The following CMTM7 variants were observed in gnomAD, a reference collection of about 807,000 sequenced individuals.
CMTM7 encodes CKLF-like MARVEL transmembrane domain-containing protein 7.
In CMTM7, 7 loss-of-function variants were observed where a neutral mutation model predicts 19.3. The observed-to-expected ratio is 0.36, with a 90% CI of 0.21 to 0.68. The LOEUF is 0.68. Ranked by LOEUF, CMTM7 falls within the 30% of genes least tolerant of loss-of-function variation. The pLI is 0.60. For synonymous variants in CMTM7, 87 were observed against 99.3 expected, an observed-to-expected ratio of 0.88 and a Z score of 0.74; for missense variants, 193 against 232.6, an observed-to-expected ratio of 0.83 and a Z score of 1.11.
chr3:32,416,936 C>G (rs143274664), intron 1 of CMTM7, among the ~76,000 whole-genome samples: 3 of 152,332 alleles, frequency 2.0e-5, no homozygotes, highest in African/African-American at 7.2e-5. Flanking sequence ...TGTCATTCCA[C>G]AGCAGTGTCA....
rs1696707184 is a variant in CMTM7 at position 32,443,234 on chromosome 3, GA to G, written c.333+1222del. On this transcript the variant is annotated intron_variant, in intron 2 of 4. Transcript: ENST00000334983. Reference sequence around the variant, plus strand: ...CCACCTCAGCCTCCCGAGTAGCTGAGACTACAGGTGCATGCCACCACACCTG... The same window carrying G: ...CCACCTCAGCCTCCCGAGTAGCTGAGCTACAGGTGCATGCCACCACACCTG... 2.0e-5 allele frequency among the ~76,000 whole-genome samples: 3 copies of G among 151,772 alleles called. No individual in the cohort carries two copies. In the South Asian group the frequency reaches 6.2e-4, roughly 32 times the overall value.
intron 1 of CMTM7, among the ~76,000 whole-genome samples, chr3:32,418,034 C>T (rs554621985): frequency 5.9e-5 from 9 of 152,282 alleles, no homozygotes; most frequent in Non-Finnish European, 1.2e-4. Context: ...GTTGCTAAGG[C>T]TGGTCTCGAA....
intron 3 of CMTM7, chr3:32,451,986 ACTAC>A: frequency 1.1e-6 from 1 of 915,434 alleles, no homozygotes; most frequent in Non-Finnish European, 1.5e-6. Context: ...GAACAACGCC[ACTAC>A]ACCACAAATC....
intron 1 of CMTM7, among the ~76,000 whole-genome samples, chr3:32,417,624 T>C (rs986657738): frequency 1.3e-5 from 2 of 152,256 alleles, no homozygotes; most frequent in Admixed American, 6.5e-5. Context: ...TATTCAAATG[T>C]ATAAGAAACT....
chr3:32,415,907 C>T (rs1696252416), intron 1 of CMTM7, among the ~76,000 whole-genome samples: 1 of 152,172 alleles, frequency 6.6e-6, no homozygotes, highest in Admixed American at 6.5e-5. Flanking sequence ...GGAGAGAGCC[C>T]ACTTGGTCTT....
intron 1 of CMTM7, among the ~76,000 whole-genome samples, chr3:32,431,371 A>G (rs984024544): frequency 6.6e-6 from 1 of 152,222 alleles, no homozygotes; most frequent in African/African-American, 2.4e-5. Flanking sequence ...ATTAATTTCT[A>G]TAATGAGCAA....
chr3:32,392,154 C>A, intron 1 of CMTM7, 89 bp downstream of exon 1: 1 of 1,003,608 alleles, frequency 1.0e-6, no homozygotes, highest in Non-Finnish European at 1.3e-6. Flanking sequence ...GCGTCTGGAC[C>A]CGGCCGGAGC....
intron 1 of CMTM7, among the ~76,000 whole-genome samples, chr3:32,434,883 A>G (rs1696573507): frequency 6.6e-6 from 1 of 152,242 alleles, no homozygotes; most frequent in African/African-American, 2.4e-5. Flanking sequence ...GCAGTAGCCA[A>G]TAAACATATG....
chr3:32,398,428 C>G (rs1391740806), intron 1 of CMTM7, among the ~76,000 whole-genome samples: 2 of 152,032 alleles, frequency 1.3e-5, no homozygotes, highest in Non-Finnish European at 2.9e-5. Flanking sequence ...GATCAGCTAA[C>G]TAGTAGGTGA....
rs902784425 is a variant in CMTM7, at chr3:32,451,974, G to A, written c.433-418G>A. ...AACAGAAAGTCATTACAAATGAAAT[G>A]CGAACAACGCCACTACACCACAAAT... On this transcript the variant is annotated intron_variant, in intron 3 of 4. Coordinates refer to ENST00000334983, the MANE Select transcript of CMTM7 (RefSeq NM_138410.4). The A allele has an allele frequency of 2.5e-6, 2 of 807,390 alleles. 1 individual carries two copies. The highest frequency in any genetic ancestry group is 4.8e-5 in the Admixed American group (2 of 41,842). 50.0% of individuals were successfully genotyped at this position (807,390 alleles called of 1,614,324 possible).
At chr3:32,438,486 T>C (rs1696629582) in intron 1 of CMTM7, among the ~76,000 whole-genome samples, 1 of 151,558 alleles carries the variant, frequency 6.6e-6, no homozygotes, top group South Asian at 2.1e-4. Context: ...GTCAAATCTT[T>C]TTTTTTTTTT....
intron 1 of CMTM7, among the ~76,000 whole-genome samples, chr3:32,418,114 G>C (rs1037121273): frequency 2.6e-5 from 4 of 152,168 alleles, no homozygotes; most frequent in Non-Finnish European, 5.9e-5. Flanking sequence ...GAGCCACCGC[G>C]CCTGTCCTTA....
intron 1 of CMTM7, among the ~76,000 whole-genome samples, chr3:32,430,792 C>A (rs1482190436): frequency 6.6e-6 from 1 of 151,232 alleles, no homozygotes; most frequent in Non-Finnish European, 1.5e-5. Context: ...AGAGAGTGAA[C>A]GTGCTGCTGT....
intron 1 of CMTM7, among the ~76,000 whole-genome samples, chr3:32,430,008 A>G (rs1169660243): frequency 1.8e-4 from 27 of 152,350 alleles, no homozygotes; most frequent in Middle Eastern, 3.4e-3. Flanking sequence ...TACAACAATC[A>G]TCAACTCATG....
chr3:32,408,609 C>CA (rs1176680145), intron 1 of CMTM7, among the ~76,000 whole-genome samples: 2 of 152,112 alleles, frequency 1.3e-5, no homozygotes, highest in Admixed American at 6.5e-5. Flanking sequence ...AGGGTGGGGG[C>CA]AAAAGATGGA....
At chr3:32,397,072 T>C (rs555424041) in intron 1 of CMTM7, among the ~76,000 whole-genome samples, 17 of 152,282 alleles carry the variant, frequency 1.1e-4, no homozygotes, top group African/African-American at 4.1e-4. Flanking sequence ...GAGACAGTTC[T>C]TGGATCTCGT....
chr3:32,404,084 T>C (rs1227536653), intron 1 of CMTM7, among the ~76,000 whole-genome samples: 3 of 152,106 alleles, frequency 2.0e-5, no homozygotes, highest in African/African-American at 7.2e-5. Context: ...CAATTCCTGC[T>C]CTATTATGTC....
rs1696796801 is a variant in CMTM7, at chr3:32,449,399, C to G, written c.334-55C>G. 5 of 1,223,782 alleles carry G rather than the reference C, an allele frequency of 4.1e-6. No individual in the cohort carries two copies. Among genetic ancestry groups the G allele is most frequent in the Non-Finnish European group, 6.1e-6 (5 of 823,786 alleles). The allele number at this position is 1,223,782 out of a possible 1,614,324, so 75.8% of individuals were successfully genotyped here. ...TGTCTTCTGATGCCCAGTTGCTCTT[C>G]CCGGACCAGAAATGGACGGCCCTAC... is the stretch of plus-strand genomic sequence containing the variant. On this transcript the variant is annotated intron_variant, in intron 2 of 4. Transcript: ENST00000334983. The surrounding 1 kb of genome is among the most constrained non-coding windows in gnomAD (Gnocchi z 4.5).
At position 32,449,315 on chromosome 3, in the gene CMTM7, C is replaced by T. The variant is rs1202023416; in HGVS notation, c.334-139C>T. On this transcript the variant is annotated intron_variant, in intron 2 of 4. Coordinates refer to ENST00000334983, the MANE Select transcript of CMTM7 (RefSeq NM_138410.4). The surrounding 1 kb of genome is among the most constrained non-coding windows in gnomAD (Gnocchi z 4.5). ...TTGGCTGCCTGCGAGCGGCTCTGCT[C>T]ATCCCATTTGCGTGTTGCAAGGGAG... The T allele has an allele frequency of 5.6e-6, 4 of 719,002 alleles. No homozygotes were observed. Among genetic ancestry groups the T allele is most frequent in the Admixed American group, 3.9e-5 (2 of 50,878 alleles). The allele number at this position is 719,002 out of a possible 1,614,324, so 44.5% of individuals were successfully genotyped here.
Sources: gnomAD v4.1 joint callset for allele counts (sites outside exome capture counted in the v4.1 genomes callset) on GRCh38, gnomAD v4.1.1 for gene constraint, Gnocchi (gnomAD v3.1) non-coding constraint, MANE v1.5 for transcripts, NCBI Gene and HGNC (gene_info 2026-07-23, HGNC 2026-07-21) for gene names.